The following CFAP46 variants were observed in gnomAD, a reference collection of about 807,000 sequenced individuals.
CFAP46 encodes the protein cilia and flagella associated protein 46.
In CFAP46, 245 loss-of-function variants were observed where a neutral mutation model predicts 325.7. The ratio of observed to expected loss-of-function variants is 0.75; its 90% CI spans 0.68 to 0.84. The LOEUF is 0.84. Among genes scored for constraint, CFAP46 ranks in the 40% least tolerant of loss-of-function variants. The pLI, the probability that CFAP46 is intolerant of heterozygous loss-of-function variation, is 0.00. For synonymous variants in CFAP46, 1,523 were observed against 1,495.9 expected (o/e 1.02, Z -0.42); for missense variants, 3,346 against 3,543.0 (o/e 0.94, Z 1.41).
intron 21 of CFAP46, 132 bp from the exon 22 acceptor site, chr10:132,908,766 C>T (rs1849496961): frequency 2.5e-6 from 3 of 1,196,042 alleles, no homozygotes; most frequent in South Asian, 1.6e-5. Context: ...CACCGTGCCA[C>T]AAAAGCTGAG....
rs1009000788 is a variant in CFAP46 at position 132,886,240 on chromosome 10, C to T, written c.3305-281G>A. Among the ~76,000 whole-genome samples the T allele has an allele frequency of 6.6e-6, 1 of 152,158 alleles. No homozygotes were observed. Among genetic ancestry groups the T allele is most frequent in the Non-Finnish European group, 1.5e-5 (1 of 68,020 alleles). ...CTCTCCATCTCCTTGGAGAATTCTG[C>T]GTTCACAAACACAGACCTGTGTTTC... On this transcript the variant is annotated intron_variant, in intron 25 of 57. Coordinates refer to ENST00000368586, the MANE Select transcript of CFAP46 (RefSeq NM_001200049.3). This position sits in a 1 kb window ranked among gnomAD's most constrained non-coding sequence, Gnocchi z 5.8.
In CFAP46 at chr10:132,834,437, GAGGGA is replaced by G. The variant is rs1591042439; in HGVS notation, c.6866+212_6866+216del. ...CACCCCACACTTGGGCCAGGGGCTG[GAGGGA>G]CCGTGGGCAGTGGGCAGTGGGCAGT... is the stretch of plus-strand genomic sequence containing the variant. On this transcript the variant is annotated intron_variant, in intron 48 of 57. Coordinates refer to ENST00000368586, the MANE Select transcript of CFAP46 (RefSeq NM_001200049.3). 9.2e-5 allele frequency among the ~76,000 whole-genome samples: 14 copies of G among 152,352 alleles called. No homozygotes were observed. The East Asian group carries it at 2.5e-3, about 27-fold the overall frequency.
intron 17 of CFAP46, among the ~76,000 whole-genome samples, chr10:132,913,945 C>G (rs1446176098): frequency 2.0e-5 from 3 of 152,182 alleles, no homozygotes; most frequent in Non-Finnish European, 4.4e-5. Flanking sequence ...ACACCTCCAA[C>G]AGCCCCTGGC....
At chr10:132,812,544 G>A (rs1422142550) in intron 55 of CFAP46, among the ~76,000 whole-genome samples, 1 of 152,176 alleles carries the variant, frequency 6.6e-6, no homozygotes, top group Non-Finnish European at 1.5e-5. Flanking sequence ...TGAAGGGCGG[G>A]AGGGCCAGAA....
chr10:132,857,554 G>T, intron 39 of CFAP46, 36 bp downstream of exon 39: 1 of 1,594,606 alleles, frequency 6.3e-7, no homozygotes, highest in Non-Finnish European at 8.5e-7. Flanking sequence ...CGGTGGGAGT[G>T]ACCCAGTGTG....
intron 50 of CFAP46, among the ~76,000 whole-genome samples, chr10:132,818,133 G>A (rs929020755): frequency 7.9e-5 from 12 of 152,204 alleles, no homozygotes; most frequent in Admixed American, 2.6e-4. Flanking sequence ...CAACCACACC[G>A]TTGCTGGAGC....
Position 132,924,793 on chromosome 10 carries a change from G to T in CFAP46, c.1159C>A (p.Gln387Lys). 6.6e-7 allele frequency: 1 copy of T among 1,518,078 alleles called. No individual in the cohort carries two copies. Among genetic ancestry groups the T allele is most frequent in the Non-Finnish European group, 8.8e-7 (1 of 1,132,280 alleles). The allele number at this position is 1,518,078 out of a possible 1,614,324, so 94.0% of individuals were successfully genotyped here. A position where few individuals can be genotyped will look rare whatever the true frequency, so the allele number is the denominator to read the frequency against. ...AGCAGGGGCAGGCAGGTGTTCCACT[G>T]CGTGGCGCACACCACGTGGATGACC... ...PRVIHVVCAT[Q>K]WNTCLPLLQH... Residue 387 changes from glutamine to lysine, a missense_variant, in exon 11 of 58, where the codon CAG (glutamine) becomes AAG (lysine). By Grantham distance (53) the Gln-to-Lys change is moderately conservative (BLOSUM62 1). Coordinates refer to ENST00000368586, the MANE Select transcript of CFAP46 (RefSeq NM_001200049.3).
At position 132,898,715 on chromosome 10, in the gene CFAP46, G is replaced by T. The variant is rs1456810770; in HGVS notation, c.3219+244C>A. The T allele has an allele frequency of 6.6e-6, 4 of 605,414 alleles. No homozygotes were observed. The East Asian group carries it at 1.2e-4, about 18-fold the overall frequency. The allele number at this position is 605,414 out of a possible 1,614,324, so 37.5% of individuals were successfully genotyped here. On this transcript the variant is annotated intron_variant, in intron 24 of 57. Transcript: ENST00000368586. ...CCCGCTGCTGTGTGTCTCCAGGGCT[G>T]AGAGCCCCTCGGTGCATGTGTGTTG...
intron 24 of CFAP46, among the ~76,000 whole-genome samples, chr10:132,894,117 G>T (rs190459409): frequency 1.3e-3 from 191 of 152,360 alleles, no homozygotes; most frequent in African/African-American, 4.4e-3. Context: ...TGGATTTGCC[G>T]CTGGTAATGT....
At chr10:132,851,483 C>T (rs1048279110) in intron 39 of CFAP46, among the ~76,000 whole-genome samples, 178 bp from the exon 40 acceptor site, 6 of 152,234 alleles carry the variant, frequency 3.9e-5, no homozygotes, top group Admixed American at 2.0e-4. Context: ...TCACCACCTT[C>T]GAGATAATGC....
In CFAP46 at chr10:132,832,189, A is replaced by T. The variant is rs1848157025; in HGVS notation, c.7117+1169T>A. Among the ~76,000 whole-genome samples the T allele has an allele frequency of 6.6e-6, 1 of 152,166 alleles. No homozygotes were observed. Among genetic ancestry groups the T allele is most frequent in the Non-Finnish European group, 1.5e-5 (1 of 68,038 alleles). On this transcript the variant is annotated intron_variant, in intron 50 of 57. Transcript: ENST00000368586. This position sits in a 1 kb window ranked among gnomAD's most constrained non-coding sequence, Gnocchi z 4.1. ...GTTTTAAGTATTTATCCGTGTTTTC[A>T]CTATTTTCAGAGCTGTCTGTTTCCC...
At chr10:132,862,595 C>CG (rs1003019492) in intron 35 of CFAP46, among the ~76,000 whole-genome samples, 4 of 151,820 alleles carry the variant, frequency 2.6e-5, no homozygotes, top group African/African-American at 4.8e-5. Context: ...CTGAGGTCGG[C>CG]GGGGGTCTGA....
chr10:132,861,292 G>A (rs1033161286), intron 35 of CFAP46, among the ~76,000 whole-genome samples: 1 of 152,204 alleles, frequency 6.6e-6, no homozygotes, highest in Non-Finnish European at 1.5e-5. Flanking sequence ...GCGCATGACT[G>A]TATCTCATTC....
intron 10 of CFAP46, among the ~76,000 whole-genome samples, chr10:132,926,234 C>T (rs1176960940): frequency 1.3e-5 from 2 of 152,172 alleles, no homozygotes. Flanking sequence ...GGACGCGTGG[C>T]CGTCCCCCGT....
rs529479245 is a variant in CFAP46 at position 132,846,488 on chromosome 10, A to G, written c.6268-261T>C. ...ACTGCCGGGTCTCTGTGTCTGCCCA[A>G]TCCTCTGTGGGACCTCTGTGAGGTC... is the stretch of plus-strand genomic sequence containing the variant. On this transcript the variant is annotated intron_variant, in intron 43 of 57. Coordinates refer to ENST00000368586, the MANE Select transcript of CFAP46 (RefSeq NM_001200049.3). Among the ~76,000 whole-genome samples the G allele has an allele frequency of 6.0e-5, 9 of 150,700 alleles. No homozygotes were observed. In the East Asian group the frequency reaches 1.8e-3, roughly 30 times the overall value.
intron 25 of CFAP46, among the ~76,000 whole-genome samples, chr10:132,887,817 TTC>T (rs1405992086): frequency 1.4e-5 from 1 of 70,996 alleles, no homozygotes; most frequent in Non-Finnish European, 2.6e-5. Flanking sequence ...CTCTCCCCTC[TTC>T]TCTCCTCTCC....
intron 29 of CFAP46, 69 bp downstream of exon 29, chr10:132,879,357 C>T (rs958503823): frequency 1.1e-5 from 15 of 1,384,966 alleles, no homozygotes; most frequent in South Asian, 9.1e-5. Flanking sequence ...ACGCTCACTG[C>T]GGTTTCCCCA....
chr10:132,857,237 C>T (rs73391287), intron 39 of CFAP46, among the ~76,000 whole-genome samples: 14,311 of 152,242 alleles, frequency 0.094, 1,826 homozygotes, highest in African/African-American at 0.29. Flanking sequence ...GCAGCCCTCT[C>T]CTGCCCTCCC....
In CFAP46 at chr10:132,836,821, C is replaced by G. The variant is rs7896313; in HGVS notation, c.6532G>C (p.Asp2178His). ...AACAAGAAGGAGCGGCTTTACCTGT[C>G]CCCTGAGAGGTGCAGAAAGAGGATC... ...FWILFLHLSG[D>H]RSRLYGAAYE... The change falls in exon 45 of 58, where the codon GAC becomes CAC. Residue 2178 changes from aspartate (D) to histidine (H), a missense_variant. Transcript: ENST00000368586. The G allele has an allele frequency of 6.2e-7, 1 of 1,613,254 alleles. No individual in the cohort carries two copies. The highest frequency in any genetic ancestry group is 8.5e-7 in the Non-Finnish European group (1 of 1,179,624).
Sources: allele counts gnomAD v4.1 joint callset (sites outside exome capture counted in the v4.1 genomes callset), GRCh38; gene constraint gnomAD v4.1.1; non-coding constraint Gnocchi (gnomAD v3.1); transcripts MANE v1.5; gene names NCBI Gene and HGNC (gene_info 2026-07-23, HGNC 2026-07-21).